The following PRIM2 variants were observed in gnomAD, a reference collection of about 807,000 sequenced individuals.
The protein encoded by PRIM2 is DNA primase large subunit.
Under a neutral mutation model 67.3 loss-of-function variants are expected in PRIM2, and 39 were observed. The ratio of observed to expected loss-of-function variants is 0.58; its 90% CI spans 0.45 to 0.76. The LOEUF is 0.76. PRIM2 is among the 30% of genes least tolerant of loss of function. PRIM2 has a pLI of 0.00. For synonymous variants in PRIM2, 143 were observed against 198.7 expected (o/e 0.72, Z 2.36); for missense variants, 398 against 598.7 (o/e 0.66, Z 3.50).
intron 5 of PRIM2, among the ~76,000 whole-genome samples, chr6:57,360,094 C>A (rs2127310950): frequency 6.6e-6 from 1 of 152,270 alleles, no homozygotes; most frequent in African/African-American, 2.4e-5. Flanking sequence ...TAAAGCAGAC[C>A]AAGTTTAATG....
At chr6:57,523,238 ATC>A (rs1774664193) in intron 8 of PRIM2, among the ~76,000 whole-genome samples, 1 of 152,226 alleles carries the variant, frequency 6.6e-6, no homozygotes, top group Non-Finnish European at 1.5e-5. Context: ...CACTTTTGTG[ATC>A]TGTTTTATAA....
the PRIM2 span, among the ~76,000 whole-genome samples, chr6:57,259,511 A>ATT: frequency 6.6e-6 from 1 of 151,464 alleles, no homozygotes; most frequent in South Asian, 2.1e-4. Context: ...GACATACCTC[A>ATT]TTTTTTTTTA....
the PRIM2 span, among the ~76,000 whole-genome samples, chr6:57,292,819 A>G: frequency 6.6e-6 from 1 of 152,188 alleles, no homozygotes; most frequent in Non-Finnish European, 1.5e-5. Flanking sequence ...CCTTCCTTAC[A>G]CCTTATAGAA....
chr6:57,467,466 T>TCAAAACAG (rs1773232157), intron 7 of PRIM2, among the ~76,000 whole-genome samples: 5 of 152,288 alleles, frequency 3.3e-5, no homozygotes, highest in African/African-American at 1.2e-4. Context: ...GAGGCCTCTG[T>TCAAAACAG]TTTGTTCCAT....
chr6:57,408,486 T>C (rs4236150), intron 7 of PRIM2, among the ~76,000 whole-genome samples: 1 of 152,232 alleles, frequency 6.6e-6, no homozygotes, highest in East Asian at 1.9e-4. Context: ...AGTAGATTTG[T>C]TGGGGGAGTA....
intron 8 of PRIM2, among the ~76,000 whole-genome samples, chr6:57,510,345 T>C (rs1194353406): frequency 6.6e-6 from 1 of 152,184 alleles, no homozygotes; most frequent in Non-Finnish European, 1.5e-5. Flanking sequence ...TCAAAATTTT[T>C]TTCCTAGAAA....
chr6:57,226,269 C>G, the PRIM2 span, among the ~76,000 whole-genome samples: 1 of 152,156 alleles, frequency 6.6e-6, no homozygotes, highest in South Asian at 2.1e-4. Context: ...ATGATGGAAG[C>G]ATGTAAGAGG....
intron 13 of PRIM2, among the ~76,000 whole-genome samples, chr6:57,642,645 G>T (rs1462429941): frequency 6.6e-6 from 1 of 151,688 alleles, no homozygotes; most frequent in Admixed American, 6.6e-5. Flanking sequence ...GTTTCACCGT[G>T]TTAGCCAGGA....
At chr6:57,334,514 A>T (rs550372672) in intron 5 of PRIM2, among the ~76,000 whole-genome samples, 15 of 152,280 alleles carry the variant, frequency 9.9e-5, no homozygotes, top group South Asian at 8.3e-4. Flanking sequence ...AAAAAATAAA[A>T]AATAGCTGGG....
At chr6:57,374,651 C>T (rs574026423) in intron 5 of PRIM2, among the ~76,000 whole-genome samples, 10 of 151,892 alleles carry the variant, frequency 6.6e-5, no homozygotes, top group Non-Finnish European at 1.2e-4. Flanking sequence ...ACTGCAGTGG[C>T]GCGATCTCAG....
intron 5 of PRIM2, among the ~76,000 whole-genome samples, chr6:57,368,410 T>G (rs1263382192): frequency 6.6e-6 from 1 of 152,188 alleles, no homozygotes; most frequent in African/African-American, 2.4e-5. Context: ...CTAAGAAAGC[T>G]CTGTAGATTC....
chr6:57,355,493 T>C (rs574451411), intron 5 of PRIM2, among the ~76,000 whole-genome samples: 159 of 152,260 alleles, frequency 1.0e-3, no homozygotes, highest in African/African-American at 3.7e-3. Context: ...GTTCAATAAC[T>C]GAACAAGAAT....
At chr6:57,457,076 A>G (rs1772817407) in intron 7 of PRIM2, among the ~76,000 whole-genome samples, 1 of 152,154 alleles carries the variant, frequency 6.6e-6, no homozygotes, top group East Asian at 1.9e-4. Flanking sequence ...TTGTCTGGGT[A>G]TCAGCAGCAG....
chr6:57,394,209 G>A (rs1770447547), intron 7 of PRIM2, among the ~76,000 whole-genome samples: 1 of 152,100 alleles, frequency 6.6e-6, no homozygotes, highest in African/African-American at 2.4e-5. Flanking sequence ...AATGATGGTG[G>A]TATTTTGATG....
chr6:57,497,452 C>T (rs1332471031), intron 7 of PRIM2: 2 of 152,128 alleles, frequency 1.3e-5, no homozygotes, highest in East Asian at 1.9e-4. Flanking sequence ...CTTTTCACAC[C>T]ATAGGTTTCA....
At chr6:57,462,854 A>G (rs1389934759) in intron 7 of PRIM2, among the ~76,000 whole-genome samples, 2 of 152,216 alleles carry the variant, frequency 1.3e-5, no homozygotes, top group Non-Finnish European at 2.9e-5. Flanking sequence ...CAAATACAAA[A>G]AAAGGAAGCT....
At chr6:57,637,242 C>T (rs1777137645) in intron 13 of PRIM2, among the ~76,000 whole-genome samples, 2 of 152,068 alleles carry the variant, frequency 1.3e-5, no homozygotes, top group African/African-American at 4.8e-5. Context: ...ACTCAGAAAC[C>T]CCATGCAAAG....
At chr6:57,467,179 C>T (rs1773224807) in intron 7 of PRIM2, among the ~76,000 whole-genome samples, 1 of 148,992 alleles carries the variant, frequency 6.7e-6, no homozygotes, top group African/African-American at 2.5e-5. Flanking sequence ...GCTTTTGTTT[C>T]AGTCATGAAG....
intron 7 of PRIM2, among the ~76,000 whole-genome samples, chr6:57,437,002 G>C (rs1271565392): frequency 2.0e-5 from 3 of 152,210 alleles, no homozygotes; most frequent in Admixed American, 1.3e-4. Flanking sequence ...AAAGAAAAGA[G>C]GTTTAATTGG....
Sources: allele counts gnomAD v4.1 joint callset (sites outside exome capture counted in the v4.1 genomes callset), GRCh38; gene constraint gnomAD v4.1.1; transcripts MANE v1.5; gene names NCBI Gene and HGNC (gene_info 2026-07-23, HGNC 2026-07-21).